Variants in ALMS1 observed in about 807,000 individuals in gnomAD.
ALMS1 encodes ALMS1 centrosome and basal body associated protein.
Under a neutral mutation model 352.2 loss-of-function variants are expected in ALMS1, and 271 were observed. The observed-to-expected ratio is 0.77, with a 90% CI of 0.70 to 0.85. ALMS1 has a LOEUF of 0.85. ALMS1 is among the 40% of genes least tolerant of loss of function. ALMS1 has a pLI of 0.00. For synonymous variants in ALMS1, 1,865 were observed against 1,761.2 expected, an observed-to-expected ratio of 1.06 and a Z score of -1.48; for missense variants, 5,445 against 4,870.7, an observed-to-expected ratio of 1.12 and a Z score of -3.51.
At chr2:73,541,262 CT>C (rs1281343945) in intron 12 of ALMS1, among the ~76,000 whole-genome samples, 3 of 152,206 alleles carry the variant, frequency 2.0e-5, no homozygotes, top group Non-Finnish European at 4.4e-5. Flanking sequence ...CAACCTGCCC[CT>C]GAATGACTAC....
rs1296333400 is a variant in ALMS1, at chr2:73,489,762, T to C, written c.7803T>C (p.Pro2601=). 1.2e-6 allele frequency: 2 copies of C among 1,614,044 alleles called. No individual in the cohort carries two copies. Among genetic ancestry groups the C allele is most frequent in the Middle Eastern group, 1.6e-4 (1 of 6,084 alleles). ...AACATCCACAACTAGATAGACACCC[T>C]TGTGCTTTCAGATCTGCTGGACCCT... The part of the protein sequence containing the change: ...TSEHPQLDRH[P]CAFRSAGPSE... Residue 2601 remains proline (P), a synonymous_variant, in exon 10 of 23, where the codon CCT becomes CCC. Transcript: ENST00000613296.
At chr2:73,533,715 G>GA (rs554162175) in intron 11 of ALMS1, among the ~76,000 whole-genome samples, 1 of 151,694 alleles carries the variant, frequency 6.6e-6, no homozygotes, top group African/African-American at 2.4e-5. Context: ...CTAGTATATA[G>GA]AAAAAAAATG....
chr2:73,390,864 G>A (rs948435345), intron 1 of ALMS1, among the ~76,000 whole-genome samples: 2 of 151,656 alleles, frequency 1.3e-5, no homozygotes, highest in Admixed American at 6.6e-5. Context: ...TCCGCCTCCC[G>A]GGTTCAAGTG....
intron 10 of ALMS1, among the ~76,000 whole-genome samples, chr2:73,515,107 T>C (rs1164903313): frequency 2.0e-5 from 3 of 152,204 alleles, no homozygotes; most frequent in African/African-American, 7.2e-5. Flanking sequence ...GTGAGTCTCT[T>C]ATGCTGTCAT....
Position 73,452,738 on chromosome 2 carries a change from A to G in ALMS1, c.6211A>G (p.Ile2071Val), listed in dbSNP as rs1020163869. The change falls in exon 8 of 23, where the codon ATT (isoleucine) becomes GTT (valine). Residue 2071 changes from isoleucine to valine, a missense_variant. By Grantham distance (29) the Ile-to-Val change is conservative (BLOSUM62 3). Transcript: ENST00000613296. ...QLPDRDQSKG[I>V]LKISAVPELT... ...GCCAGATAGAGATCAAAGTAAAGGTATTCTAAAGATTTCAGCTGTCCCTGA... is the reference window on the plus strand; with the variant it reads ...GCCAGATAGAGATCAAAGTAAAGGTGTTCTAAAGATTTCAGCTGTCCCTGA... 6.2e-7 allele frequency: 1 copy of G among 1,613,554 alleles called. No homozygotes were observed. The highest frequency in any genetic ancestry group is 8.5e-7 in the Non-Finnish European group (1 of 1,179,946).
intron 16 of ALMS1, among the ~76,000 whole-genome samples, chr2:73,575,343 C>T (rs1287988278): frequency 6.6e-6 from 1 of 152,154 alleles, no homozygotes; most frequent in Non-Finnish European, 1.5e-5. Flanking sequence ...TCCATAGTAC[C>T]TGCACTATTT....
intron 9 of ALMS1, chr2:73,458,791 G>A (rs1384423460): frequency 6.6e-6 from 1 of 152,296 alleles, no homozygotes; most frequent in Non-Finnish European, 1.5e-5. Flanking sequence ...AGACTAGATT[G>A]TGGAAGGCAG....
At chr2:73,472,009 A>G (rs1441055020) in intron 9 of ALMS1, among the ~76,000 whole-genome samples, 2 of 152,094 alleles carry the variant, frequency 1.3e-5, no homozygotes, top group African/African-American at 4.8e-5. Context: ...ATGGAATATT[A>G]TTCCACCTTA....
rs1379058502 is a variant in ALMS1, at chr2:73,450,637, A to C, written c.4110A>C (p.Thr1370=). 6.2e-7 allele frequency: 1 copy of C among 1,612,406 alleles called. No homozygotes were observed. Among genetic ancestry groups the C allele is most frequent in the Admixed American group, 1.7e-5 (1 of 59,832 alleles). Residue 1370 remains threonine, a synonymous_variant, in exon 8 of 23, where the codon ACA becomes ACC. Coordinates refer to ENST00000613296, the MANE Select transcript of ALMS1 (RefSeq NM_001378454.1). ...TTGCCTCTGAACCAGTTGACCAGACAACTGGCACACCAACTGTAACCTCTA... is the reference window on the plus strand; with the variant it reads ...TTGCCTCTGAACCAGTTGACCAGACCACTGGCACACCAACTGTAACCTCTA... ...ISVASEPVDQ[T]TGTPTVTSTS...
chr2:73,452,317 G>A lies in ALMS1; in HGVS notation c.5790G>A (p.Lys1930=). 6.2e-7 allele frequency: 1 copy of A among 1,614,106 alleles called. No individual in the cohort carries two copies. Among genetic ancestry groups the A allele is most frequent in the Non-Finnish European group, 8.5e-7 (1 of 1,180,008 alleles). The stretch of plus-strand genomic sequence containing the variant: ...TTGTTCCTGGACAAGGTGACCGGAA[G>A]ACTGAGATACCAACAGTACCTTTAA... ...VFVVPGQGDR[K]TEIPTVPLSY... The change falls in exon 8 of 23, where the codon AAG becomes AAA. Residue 1930 remains lysine, a synonymous_variant. Coordinates refer to ENST00000613296, the MANE Select transcript of ALMS1 (RefSeq NM_001378454.1).
intron 1 of ALMS1, among the ~76,000 whole-genome samples, chr2:73,406,574 G>T (rs1011934637): frequency 6.6e-6 from 1 of 150,600 alleles, no homozygotes; most frequent in Admixed American, 6.7e-5. Flanking sequence ...TGTATATTCT[G>T]TAGCTATTTT....
chr2:73,409,856 A>G (rs534851772), intron 2 of ALMS1, among the ~76,000 whole-genome samples: 4 of 152,330 alleles, frequency 2.6e-5, no homozygotes, highest in Admixed American at 1.3e-4. Flanking sequence ...GGCTGATGGT[A>G]TAGTTCCAAT....
chr2:73,459,830 T>C (rs1672148484), intron 9 of ALMS1, among the ~76,000 whole-genome samples: 2 of 152,178 alleles, frequency 1.3e-5, no homozygotes, highest in Admixed American at 6.5e-5. Context: ...GAGAGTGGCA[T>C]GTAGAAACTA....
rs368655814 is a variant in ALMS1 at position 73,424,853 on chromosome 2, G to C, written c.1188G>C (p.Gln396His). ...DHFDAARSYG[Q>H]YWTQEDSSKQ... ...TTGATGCTGCTCGTTCATATGGGCA[G>C]TATTGGACACAGGAAGATTCATCTA... The change falls in exon 5 of 23, where the codon CAG (glutamine) becomes CAC (histidine). Residue 396 changes from glutamine (Q) to histidine (H), a missense_variant. Coordinates refer to ENST00000613296, the MANE Select transcript of ALMS1 (RefSeq NM_001378454.1). 6.2e-7 allele frequency: 1 copy of C among 1,606,834 alleles called. No individual in the cohort carries two copies. Among genetic ancestry groups the C allele is most frequent in the Non-Finnish European group, 8.5e-7 (1 of 1,175,888 alleles).
In ALMS1 at chr2:73,609,837, AATGAT is replaced by A; in HGVS notation, c.*231_*235del. ...CCTTGTCCAATGGCCTGTGTGTTAC[AATGAT>A]ATGATCATTTCTCAAGAATAAGTCC... is the stretch of plus-strand genomic sequence containing the variant. On this transcript the variant is annotated 3_prime_UTR_variant, in exon 23 of 23. Transcript: ENST00000613296. 1 of 544,928 alleles carries A rather than the reference AATGAT, an allele frequency of 1.8e-6. No homozygotes were observed. 33.8% of individuals were successfully genotyped at this position (544,928 alleles called of 1,614,324 possible).
chr2:73,545,071 T>A (rs1674284225), intron 12 of ALMS1, among the ~76,000 whole-genome samples: 1 of 152,112 alleles, frequency 6.6e-6, no homozygotes, highest in Non-Finnish European at 1.5e-5. Context: ...AGAGTTTAAG[T>A]CTGGGAAGAT....
At chr2:73,444,492 A>T (rs1477327769) in intron 7 of ALMS1, among the ~76,000 whole-genome samples, 1 of 152,218 alleles carries the variant, frequency 6.6e-6, no homozygotes, top group Non-Finnish European at 1.5e-5. Flanking sequence ...TTACCTAACA[A>T]TTCCTGCTTT....
chr2:73,532,116 G>A (rs909737528), intron 11 of ALMS1, among the ~76,000 whole-genome samples: 1 of 152,218 alleles, frequency 6.6e-6, no homozygotes, highest in Non-Finnish European at 1.5e-5. Context: ...GTCTGTCTCT[G>A]TGCTGAGCTG....
intron 9 of ALMS1, among the ~76,000 whole-genome samples, chr2:73,481,219 G>T (rs1234616592): frequency 3.3e-5 from 5 of 152,082 alleles, no homozygotes; most frequent in African/African-American, 1.2e-4. Flanking sequence ...AGTCTAACAT[G>T]TAAGTCTTTA....
Sources: allele counts gnomAD v4.1 joint callset (sites outside exome capture counted in the v4.1 genomes callset), GRCh38; gene constraint gnomAD v4.1.1; transcripts MANE v1.5; gene names NCBI Gene and HGNC (gene_info 2026-07-23, HGNC 2026-07-21).